ITPK1: variants seen among roughly 807,000 people sequenced by gnomAD.
The protein encoded by ITPK1 is inositol 1,3,4-trisphosphate 5/6-kinase.
ITPK1 carries 21 observed loss-of-function variants against 45.3 expected under a neutral mutation model. That is an observed-to-expected ratio of 0.46 (90% confidence interval 0.33 to 0.67). The LOEUF is 0.67. Among genes scored for constraint, ITPK1 ranks in the 30% least tolerant of loss-of-function variants. The pLI is 0.02. For missense variants in ITPK1, 474 were observed against 573.5 expected (o/e 0.83, Z 1.77); for synonymous variants, 258 against 253.6 (o/e 1.02, Z -0.16).
intron 10 of ITPK1, among the ~76,000 whole-genome samples, chr14:92,945,102 C>T (rs1225100031): frequency 6.6e-6 from 1 of 152,256 alleles, no homozygotes; most frequent in Non-Finnish European, 1.5e-5. Flanking sequence ...GCTCTGTCCT[C>T]CGCCTCCTCC....
chr14:93,076,500 C>T lies in ITPK1; in HGVS notation c.120+95G>A. The T allele has an allele frequency of 7.3e-7, 1 of 1,372,844 alleles. No individual in the cohort carries two copies. The highest frequency in any genetic ancestry group is 2.3e-5 in the East Asian group (1 of 43,500). The allele number at this position is 1,372,844 out of a possible 1,614,324, so 85.0% of individuals were successfully genotyped here. ...AGCTGCACGTGAAGAAGAGAGAAAG[C>T]CGTGCCCAATGCTGGAGGAGAGAAG... is the stretch of plus-strand genomic sequence containing the variant. On this transcript the variant is annotated intron_variant, in intron 3 of 10. Transcript: ENST00000267615. This position sits in a 1 kb window ranked among gnomAD's most constrained non-coding sequence, Gnocchi z 4.3.
chr14:93,018,616 A>G (rs1888309912), intron 3 of ITPK1, among the ~76,000 whole-genome samples: 1 of 152,212 alleles, frequency 6.6e-6, no homozygotes, highest in Non-Finnish European at 1.5e-5. Context: ...GCCTGTGTAC[A>G]AAACAACATA....
chr14:93,002,562 G>A (rs879578247), intron 4 of ITPK1, among the ~76,000 whole-genome samples: 18 of 152,250 alleles, frequency 1.2e-4, no homozygotes, highest in Admixed American at 3.3e-4. Flanking sequence ...CAGGAAAAAG[G>A]GAAGCCTTTC....
intron 3 of ITPK1, among the ~76,000 whole-genome samples, chr14:93,055,458 G>A (rs563207939): frequency 2.0e-5 from 3 of 150,664 alleles, no homozygotes; most frequent in East Asian, 2.0e-4. Context: ...CACCTCACTC[G>A]CCACCCACAC....
intron 5 of ITPK1, among the ~76,000 whole-genome samples, chr14:92,989,581 G>T (rs997799006): frequency 1.3e-5 from 2 of 152,162 alleles, no homozygotes; most frequent in African/African-American, 4.8e-5. Flanking sequence ...CTTGGCTTTG[G>T]GGCTTCCATC....
At chr14:93,003,555 T>C (rs1435285059) in intron 4 of ITPK1, among the ~76,000 whole-genome samples, 1 of 152,112 alleles carries the variant, frequency 6.6e-6, no homozygotes, top group Non-Finnish European at 1.5e-5. Context: ...AGGTAAACCT[T>C]GGAGGTGGGC....
rs1306409379 is a variant in ITPK1, at chr14:92,939,733, C to G, written c.*1828G>C. 5.1e-6 allele frequency: 5 copies of G among 985,572 alleles called. No individual in the cohort carries two copies. Among genetic ancestry groups the G allele is most frequent in the Non-Finnish European group, 6.0e-6 (5 of 829,968 alleles). The allele number at this position is 985,572 out of a possible 1,614,324, so 61.1% of individuals were successfully genotyped here. ...AGCCAGGAGTCACGCTGCACACCCC[C>G]ACCCGTACCTGAGGCAGACTGGGAT... On this transcript the variant is annotated 3_prime_UTR_variant, in exon 11 of 11. Transcript: ENST00000267615.
intron 5 of ITPK1, among the ~76,000 whole-genome samples, chr14:92,966,519 C>T (rs922704741): frequency 2.6e-5 from 4 of 152,224 alleles, no homozygotes; most frequent in Admixed American, 2.6e-4. Context: ...GGCAATACTC[C>T]CAAATTGATC....
intron 2 of ITPK1, among the ~76,000 whole-genome samples, chr14:93,102,059 T>C (rs945203069): frequency 6.6e-6 from 1 of 152,336 alleles, no homozygotes; most frequent in East Asian, 1.9e-4. Flanking sequence ...CAAGCTTAAG[T>C]GCATTTCTGG....
chr14:93,002,733 T>C (rs891491483), intron 4 of ITPK1, among the ~76,000 whole-genome samples: 1 of 152,094 alleles, frequency 6.6e-6, no homozygotes, highest in Non-Finnish European at 1.5e-5. Context: ...TGGTCAGAAC[T>C]AGCAAAACCC....
chr14:93,045,114 T>C (rs546483678), intron 3 of ITPK1, among the ~76,000 whole-genome samples: 1 of 152,350 alleles, frequency 6.6e-6, no homozygotes, highest in South Asian at 2.1e-4. Flanking sequence ...TAGTTCCAAG[T>C]CACCAGGCAC....
chr14:92,960,557 T>C (rs1257554449), intron 7 of ITPK1, among the ~76,000 whole-genome samples: 63 of 152,234 alleles, frequency 4.1e-4, no homozygotes, highest in Non-Finnish European at 5.9e-5. Context: ...CCCAGGTCTC[T>C]GGGATTCCAC....
rs146527559 is a variant in ITPK1 at position 92,998,623 on chromosome 14, G to A, written c.247-4626C>T. Among the ~76,000 whole-genome samples the A allele has an allele frequency of 1.8e-3, 272 of 152,334 alleles. 2 individuals are homozygous for A. Among genetic ancestry groups the A allele is most frequent in the African/African-American group, 6.3e-3 (262 of 41,574 alleles). On this transcript the variant is annotated intron_variant, in intron 4 of 10. Transcript: ENST00000267615. ...TGAGGCTGGGAGGTGGCACCTGGGA[G>A]CACGTTGCGGCATTCTCTCTTCTCA...
At chr14:92,991,595 G>T (rs954208012) in intron 5 of ITPK1, among the ~76,000 whole-genome samples, 4 of 152,046 alleles carry the variant, frequency 2.6e-5, no homozygotes, top group African/African-American at 9.7e-5. Context: ...TAAAATTCCT[G>T]ACCTGATTCC....
chr14:93,058,280 T>C (rs1029179985), intron 3 of ITPK1, among the ~76,000 whole-genome samples: 1 of 150,370 alleles, frequency 6.7e-6, no homozygotes, highest in Non-Finnish European at 1.5e-5. Flanking sequence ...AGAGTGGCCA[T>C]GCGGGACTCT....
intron 3 of ITPK1, among the ~76,000 whole-genome samples, chr14:93,041,936 G>A (rs1889579406): frequency 6.6e-6 from 1 of 152,106 alleles, no homozygotes; most frequent in African/African-American, 2.4e-5. Context: ...ATATGTTCCT[G>A]GTAGCAAGGA....
In ITPK1 at chr14:92,958,275, T is replaced by C; in HGVS notation, c.596A>G (p.Lys199Arg). The C allele has an allele frequency of 1.2e-6, 2 of 1,614,116 alleles. No homozygotes were observed. Among genetic ancestry groups the C allele is most frequent in the Non-Finnish European group, 1.7e-6 (2 of 1,180,010 alleles). The change falls in exon 8 of 11, where the codon AAG (lysine) becomes AGG (arginine). Residue 199 changes from lysine (K) to arginine (R), a missense_variant. Physicochemically the swap from Lys to Arg is conservative, Grantham distance 26. Coordinates refer to ENST00000267615, the MANE Select transcript of ITPK1 (RefSeq NM_014216.6). This position sits in a 1 kb window ranked among gnomAD's most constrained non-coding sequence, Gnocchi z 4.4. ...GTAGGACTCGCCAACCACGAACACCTTGTACAGGACGGCGTTGTGGTTGAT... is the reference window on the plus strand; with the variant it reads ...GTAGGACTCGCCAACCACGAACACCCTGTACAGGACGGCGTTGTGGTTGAT... ...NFINHNAVLY[K>R]VFVVGESYTV...
At chr14:92,984,263 G>A (rs573045926) in intron 5 of ITPK1, among the ~76,000 whole-genome samples, 2 of 152,330 alleles carry the variant, frequency 1.3e-5, no homozygotes, top group Non-Finnish European at 2.9e-5. Context: ...GTGCAGGGCC[G>A]GAAGTGAGGG....
chr14:92,992,617 T>G (rs1886841919), intron 5 of ITPK1, among the ~76,000 whole-genome samples: 1 of 152,170 alleles, frequency 6.6e-6, no homozygotes, highest in Non-Finnish European at 1.5e-5. Flanking sequence ...GCAGGGCACA[T>G]TCCTCAGAGA....
Sources: gnomAD v4.1 joint callset for allele counts (sites outside exome capture counted in the v4.1 genomes callset) on GRCh38, gnomAD v4.1.1 for gene constraint, Gnocchi (gnomAD v3.1) non-coding constraint, MANE v1.5 for transcripts, NCBI Gene and HGNC (gene_info 2026-07-23, HGNC 2026-07-21) for gene names.